The following IPPK variants were observed in gnomAD, a reference collection of about 807,000 sequenced individuals.
IPPK encodes the protein IPK1 homolog.
In IPPK, 22 loss-of-function variants were observed where a neutral mutation model predicts 64.6. The ratio of observed to expected loss-of-function variants is 0.34; its 90% confidence interval spans 0.24 to 0.49. The LOEUF is 0.49. IPPK is among the 20% of genes least tolerant of loss of function. The probability of loss-of-function intolerance (pLI) is 0.99; values close to 1 mark genes in which losing one functional copy is unlikely to be tolerated. For synonymous variants in IPPK, 262 were observed against 247.2 expected, an observed-to-expected ratio of 1.06 and a Z score of -0.56; for missense variants, 532 against 630.7, an observed-to-expected ratio of 0.84 and a Z score of 1.68.
chr9:92,652,448 CAA>C (rs376104704), intron 4 of IPPK, 123 bp downstream of exon 4: 11,252 of 211,324 alleles, frequency 0.053, 5 homozygotes, highest in South Asian at 0.071. Context: ...GACTCCGTCT[CAA>C]AAAAAAAAAA....
chr9:92,625,911 A>AAAAT (rs1176487030), intron 11 of IPPK, among the ~76,000 whole-genome samples: 2 of 152,006 alleles, frequency 1.3e-5, no homozygotes, highest in African/African-American at 4.8e-5. Flanking sequence ...TGAGTCAGCC[A>AAAAT]AAATAAGAGA....
At chr9:92,616,621 T>C (rs969333315) in intron 12 of IPPK, 2 of 152,834 alleles carry the variant, frequency 1.3e-5, no homozygotes, top group African/African-American at 4.8e-5. Context: ...TCTCATTTTA[T>C]TCTCAAATTT....
In IPPK at chr9:92,658,630, T is replaced by C. The variant is rs1422345625; in HGVS notation, c.129+4A>G. The C allele has an allele frequency of 1.9e-6, 3 of 1,613,262 alleles. No individual in the cohort carries two copies. In the South Asian group the frequency reaches 3.3e-5, roughly 18 times the overall value. ...AAGTCTGGGTGCAAACCCACCCATC[T>C]TACCTTCTTCCTATTTGGAGGAAAC... On this transcript the variant is annotated splice_donor_region_variant and intron_variant, in intron 2 of 12. Coordinates refer to ENST00000287996, the MANE Select transcript of IPPK (RefSeq NM_022755.6).
At chr9:92,655,810 T>C (rs1852361233) in intron 3 of IPPK, among the ~76,000 whole-genome samples, 1 of 152,088 alleles carries the variant, frequency 6.6e-6, no homozygotes, top group Non-Finnish European at 1.5e-5. Flanking sequence ...ATCACAACAG[T>C]GCAGTGAACA....
At position 92,635,480 on chromosome 9, in the gene IPPK, G is replaced by A. The variant is rs1851924527; in HGVS notation, c.917-172C>T. On this transcript the variant is annotated intron_variant, in intron 9 of 12. Transcript: ENST00000287996. The surrounding 1 kb of genome is among the most constrained non-coding windows in gnomAD (Gnocchi z 4.4). The stretch of plus-strand genomic sequence containing the variant: ...TAAGGACAGACGAGATGACGCTCCC[G>A]CCTCACAGAGCTGCTGGAGCTGCAG... Among the ~76,000 whole-genome samples the A allele has an allele frequency of 1.3e-5, 2 of 152,206 alleles. No homozygotes were observed. The highest frequency in any genetic ancestry group is 2.4e-5 in the African/African-American group (1 of 41,452).
chr9:92,649,443 G>A lies in IPPK; in HGVS notation c.414+10C>T, dbSNP rs72756427. The A allele has an allele frequency of 0.053, 84,957 of 1,613,672 alleles. 2,665 individuals carry two copies. Among genetic ancestry groups the A allele is most frequent in the South Asian group, 0.098 (8,946 of 91,056 alleles). ...CCTTTACCCACACCATCTGCCCCTC[G>A]ACAGGTCACCTTAATCTCTACACAC... is the stretch of plus-strand genomic sequence containing the variant. On this transcript the variant is annotated intron_variant, in intron 5 of 12. Coordinates refer to ENST00000287996, the MANE Select transcript of IPPK (RefSeq NM_022755.6).
chr9:92,667,269 G>A (rs1231404374), intron 1 of IPPK, among the ~76,000 whole-genome samples: 3 of 152,216 alleles, frequency 2.0e-5, no homozygotes, highest in East Asian at 3.9e-4. Context: ...CTGGAAGGAG[G>A]CTGGGCGCAT....
intron 11 of IPPK, among the ~76,000 whole-genome samples, chr9:92,626,915 T>C (rs1055658678): frequency 2.3e-5 from 3 of 129,834 alleles, no homozygotes; most frequent in Admixed American, 8.1e-5. Context: ...TAAATGCTAT[T>C]AAGAAAAAAA....
intron 4 of IPPK, 47 bp downstream of exon 4, chr9:92,652,526 G>A: frequency 1.0e-6 from 1 of 996,568 alleles, no homozygotes; most frequent in Non-Finnish European, 1.5e-6. Flanking sequence ...CTTTTCAAAT[G>A]GAATATTTTA....
At chr9:92,622,002 A>G (rs1287011913) in intron 11 of IPPK, among the ~76,000 whole-genome samples, 1 of 152,248 alleles carries the variant, frequency 6.6e-6, no homozygotes, top group African/African-American at 2.4e-5. Context: ...AAACCCAATT[A>G]TCATCATACA....
Position 92,642,817 on chromosome 9 carries a change from A to G in IPPK, c.505-7T>C, listed in dbSNP as rs1346887219. On this transcript the variant is annotated splice_region_variant and splice_polypyrimidine_tract_variant and intron_variant, in intron 6 of 12. Coordinates refer to ENST00000287996, the MANE Select transcript of IPPK (RefSeq NM_022755.6). ...TCCACTTCCCAGTTGCTACCTGTGA[A>G]AACACCAACAGGAGGGCATGAGGTG... is the stretch of plus-strand genomic sequence containing the variant. 24 of 1,613,026 alleles carry G rather than the reference A, an allele frequency of 1.5e-5. No individual in the cohort carries two copies. Among genetic ancestry groups the G allele is most frequent in the Non-Finnish European group, 2.0e-5 (24 of 1,179,028 alleles).
intron 8 of IPPK, 28 bp downstream of exon 8, chr9:92,640,682 A>C: frequency 2.0e-6 from 3 of 1,530,240 alleles, no homozygotes; most frequent in Non-Finnish European, 2.7e-6. Context: ...CCACCCTGAA[A>C]CCACCATAGA....
intron 2 of IPPK, 57 bp from the exon 3 acceptor site, chr9:92,656,608 C>G: frequency 8.3e-7 from 1 of 1,199,798 alleles, no homozygotes; most frequent in Non-Finnish European, 1.2e-6. Context: ...CAGAGCCTTG[C>G]TTGAGGGGAG....
In IPPK at chr9:92,634,476, T is replaced by C. The variant is rs372085922; in HGVS notation, c.1080A>G (p.Gln360=). 1.2e-5 allele frequency: 19 copies of C among 1,613,356 alleles called. No individual in the cohort carries two copies. The highest frequency in any genetic ancestry group is 1.6e-5 in the Non-Finnish European group (19 of 1,179,288). ...EEFPEERKTL[Q]IDGPYDEAFY... Reference sequence around the variant, plus strand: ...ATGCTTCATCATAAGGCCCATCTATTTGTAAGGTTTTTCTGAAGAAGAAAG... The same window carrying C: ...ATGCTTCATCATAAGGCCCATCTATCTGTAAGGTTTTTCTGAAGAAGAAAG... The change falls in exon 11 of 13, where the codon CAA becomes CAG. Residue 360 remains glutamine, a synonymous_variant. Transcript: ENST00000287996.
At chr9:92,662,899 G>A (rs956590114) in intron 1 of IPPK, among the ~76,000 whole-genome samples, 6 of 152,162 alleles carry the variant, frequency 3.9e-5, no homozygotes, top group African/African-American at 7.2e-5. Flanking sequence ...TGTGGAAAGC[G>A]ATCTGCAACG....
intron 1 of IPPK, among the ~76,000 whole-genome samples, chr9:92,661,675 G>C (rs1215470123): frequency 6.6e-6 from 1 of 152,218 alleles, no homozygotes. Context: ...TCCATTTCAA[G>C]GGAAACTGCT....
intron 4 of IPPK, among the ~76,000 whole-genome samples, chr9:92,650,042 AGGC>A (rs1564037286): frequency 1.4e-5 from 2 of 140,072 alleles, no homozygotes; most frequent in African/African-American, 5.4e-5. Context: ...AAAAAAAAAA[AGGC>A]GGGCACGGTG....
intron 2 of IPPK, among the ~76,000 whole-genome samples, chr9:92,658,110 G>T (rs143739941): frequency 6.6e-6 from 1 of 152,334 alleles, no homozygotes; most frequent in African/African-American, 2.4e-5. Context: ...ACAGAGATTT[G>T]CACAGAAAGC....
intron 12 of IPPK, 164 bp downstream of exon 12, chr9:92,619,322 G>A (rs1851547800): frequency 1.7e-6 from 1 of 603,140 alleles, no homozygotes; most frequent in Non-Finnish European, 3.0e-6. Context: ...CTTCTAGAGG[G>A]CGAGAGTTAG....
Sources: gnomAD v4.1 joint callset for allele counts (sites outside exome capture counted in the v4.1 genomes callset) on GRCh38, gnomAD v4.1.1 for gene constraint, Gnocchi (gnomAD v3.1) non-coding constraint, MANE v1.5 for transcripts, NCBI Gene and HGNC (gene_info 2026-07-23, HGNC 2026-07-21) for gene names.